Variants in PRKCQ observed in about 807,000 individuals in gnomAD.
PRKCQ encodes protein kinase C theta, also known as protein kinase C theta type.
Under a neutral mutation model 91.2 loss-of-function variants are expected in PRKCQ, and 41 were observed. The observed-to-expected ratio is 0.45, with a 90% CI of 0.35 to 0.58. PRKCQ has a LOEUF of 0.58. Ranked by LOEUF, PRKCQ falls within the 20% of genes least tolerant of loss-of-function variation. The pLI is 0.00. For synonymous variants in PRKCQ, 307 were observed against 316.9 expected (o/e 0.97, Z 0.33); for missense variants, 673 against 896.5 (o/e 0.75, Z 3.18).
intron 4 of PRKCQ, among the ~76,000 whole-genome samples, chr10:6,506,632 G>A (rs1838216500): frequency 6.6e-6 from 1 of 152,008 alleles, no homozygotes; most frequent in Non-Finnish European, 1.5e-5. Flanking sequence ...TCATAATATT[G>A]TTTTCTCTGA....
rs1835621633 is a variant in PRKCQ, at chr10:6,465,806, T to C, written c.1354-1402A>G. ...AGGTCAAGGTAAGCATCCGTCTTTT[T>C]TCAATGTTAGTTTCCGATCTGATTT... On this transcript the variant is annotated intron_variant, in intron 12 of 17. Transcript: ENST00000263125. This position sits in a 1 kb window ranked among gnomAD's most constrained non-coding sequence, Gnocchi z 4.4. Among the ~76,000 whole-genome samples the C allele has an allele frequency of 6.6e-6, 1 of 152,250 alleles. No homozygotes were observed. Among genetic ancestry groups the C allele is most frequent in the Non-Finnish European group, 1.5e-5 (1 of 68,042 alleles).
At chr10:6,419,422 A>G in the PRKCQ span, among the ~76,000 whole-genome samples, 6 of 152,112 alleles carry the variant, frequency 3.9e-5, no homozygotes, top group Admixed American at 3.9e-4. Flanking sequence ...CTTCCTGTTG[A>G]GGAAGATGAC....
chr10:6,456,914 G>C (rs1835037224), intron 14 of PRKCQ, 102 bp from the exon 15 acceptor site: 1 of 1,273,560 alleles, frequency 7.9e-7, no homozygotes, highest in African/African-American at 1.5e-5. Context: ...CAGCCTGAGA[G>C]GGGCTCACGA....
chr10:6,422,446 C>T (rs1437940241), downstream of PRKCQ, among the ~76,000 whole-genome samples: 1 of 152,074 alleles, frequency 6.6e-6, no homozygotes, highest in African/African-American at 2.4e-5. Context: ...ACTTGCTGTC[C>T]CTCCCCTTAT....
At chr10:6,463,081 C>T (rs1041378766) in intron 13 of PRKCQ, among the ~76,000 whole-genome samples, 1 of 152,038 alleles carries the variant, frequency 6.6e-6, no homozygotes, top group African/African-American at 2.4e-5. Flanking sequence ...GGTTGGCACC[C>T]ATAGACCTGT....
chr10:6,427,768 G>A lies in PRKCQ; in HGVS notation c.*439C>T, dbSNP rs954765776. 1.1e-4 allele frequency: 19 copies of A among 176,684 alleles called. No individual in the cohort carries two copies. The highest frequency in any genetic ancestry group is 2.5e-3 in the Middle Eastern group (1 of 396). The allele number at this position is 176,684 out of a possible 1,614,324, so 10.9% of individuals were successfully genotyped here. The stretch of plus-strand genomic sequence containing the variant: ...TTAGTGATTACTTGTCTGCGGCTGA[G>A]TGAGATCCGCTACTAGACCAGGCAA... On this transcript the variant is annotated 3_prime_UTR_variant, in exon 18 of 18. Transcript: ENST00000263125.
At chr10:6,498,619 C>G in intron 4 of PRKCQ, 61 bp from the exon 5 acceptor site, 1 of 1,554,036 alleles carries the variant, frequency 6.4e-7, no homozygotes, top group South Asian at 1.2e-5. Flanking sequence ...CTATTCTAAG[C>G]TGGGTCAGGA....
chr10:6,575,914 C>G (rs973855334), intron 1 of PRKCQ, among the ~76,000 whole-genome samples: 1 of 151,086 alleles, frequency 6.6e-6, no homozygotes, highest in Non-Finnish European at 1.5e-5. Context: ...GCAGCGCGTG[C>G]CTATAGTCCC....
At chr10:6,396,132 G>C in the PRKCQ span, among the ~76,000 whole-genome samples, 1,342 of 152,248 alleles carry the variant, frequency 8.8e-3, 13 homozygotes, top group African/African-American at 0.03. Flanking sequence ...TAGTTAAATA[G>C]ATAATAAATG....
At chr10:6,419,837 T>C in the PRKCQ span, among the ~76,000 whole-genome samples, 1 of 151,476 alleles carries the variant, frequency 6.6e-6, no homozygotes, top group Non-Finnish European at 1.5e-5. Context: ...TACAGGTGCA[T>C]GCCACCATGC....
chr10:6,563,768 G>A (rs1840721979), intron 1 of PRKCQ, among the ~76,000 whole-genome samples: 1 of 152,162 alleles, frequency 6.6e-6, no homozygotes, highest in South Asian at 2.1e-4. Flanking sequence ...GCTATGTGTG[G>A]GACTCTCTGC....
intron 9 of PRKCQ, 63 bp from the exon 10 acceptor site, chr10:6,485,332 G>T: frequency 7.9e-7 from 1 of 1,265,718 alleles, no homozygotes; most frequent in Non-Finnish European, 1.2e-6. Context: ...AGCTCAGCCT[G>T]CTAACGATGG....
intron 15 of PRKCQ, among the ~76,000 whole-genome samples, chr10:6,447,184 G>A (rs1415986487): frequency 2.0e-5 from 3 of 151,962 alleles, no homozygotes; most frequent in Non-Finnish European, 4.4e-5. Context: ...CAAGGCGGGC[G>A]GATCATGAGG....
intron 1 of PRKCQ, among the ~76,000 whole-genome samples, chr10:6,579,142 C>T (rs938182248): frequency 3.9e-5 from 6 of 152,226 alleles, no homozygotes; most frequent in African/African-American, 1.4e-4. Context: ...GGGCGGACTT[C>T]TCAGATCTTG....
At chr10:6,403,841 A>G in the PRKCQ span, among the ~76,000 whole-genome samples, 2 of 152,002 alleles carry the variant, frequency 1.3e-5, no homozygotes, top group African/African-American at 4.8e-5. Flanking sequence ...AATGAAAAAA[A>G]AAATGAATGA....
the PRKCQ span, among the ~76,000 whole-genome samples, chr10:6,412,983 C>T: frequency 1.3e-5 from 2 of 152,086 alleles, no homozygotes; most frequent in South Asian, 2.1e-4. Flanking sequence ...GACAGAGTCT[C>T]ACTCTGTTGC....
Position 6,486,143 on chromosome 10 carries a change from T to A in PRKCQ, c.792A>T (p.Ala264=). The A allele has an allele frequency of 6.2e-7, 1 of 1,613,588 alleles. No individual in the cohort carries two copies. Among genetic ancestry groups the A allele is most frequent in the Non-Finnish European group, 8.5e-7 (1 of 1,179,550 alleles). The part of the protein sequence containing the change: ...GLARQGLKCD[A]CGMNVHHRCQ... Reference sequence around the variant, plus strand: ...ATCTATGATGCACATTCATGCCACATGCTGGAAGGAAGAAGGCAGATAGTG... The same window carrying A: ...ATCTATGATGCACATTCATGCCACAAGCTGGAAGGAAGAAGGCAGATAGTG... Residue 264 remains alanine, a splice_region_variant and synonymous_variant, in exon 9 of 18, where the codon GCA becomes GCT. Transcript: ENST00000263125.
At chr10:6,454,032 T>A (rs573954678) in intron 15 of PRKCQ, among the ~76,000 whole-genome samples, 1 of 152,256 alleles carries the variant, frequency 6.6e-6, no homozygotes, top group African/African-American at 2.4e-5. Flanking sequence ...GTAACTAACC[T>A]GCACATTATG....
At chr10:6,552,460 C>CTTTTTTTTTTTTTTTTTTTTTT (rs59752400) in intron 1 of PRKCQ, among the ~76,000 whole-genome samples, 1 of 137,292 alleles carries the variant, frequency 7.3e-6, no homozygotes, top group Non-Finnish European at 1.6e-5. Flanking sequence ...ACCTGTTAGT[C>CTTTTTTTTTTTTTTTTTTTTTT]TTTTTTTTTT....
Sources: gnomAD v4.1 joint callset for allele counts (sites outside exome capture counted in the v4.1 genomes callset) on GRCh38, gnomAD v4.1.1 for gene constraint, Gnocchi (gnomAD v3.1) non-coding constraint, MANE v1.5 for transcripts, NCBI Gene and HGNC (gene_info 2026-07-23, HGNC 2026-07-21) for gene names.